FBXL17: variants seen among roughly 807,000 people sequenced by gnomAD.
FBXL17 encodes F-box/LRR-repeat protein 17.
Under a neutral mutation model 66.2 loss-of-function variants are expected in FBXL17, and 22 were observed. The observed-to-expected ratio is 0.33, with a 90% CI of 0.24 to 0.47. The LOEUF (loss-of-function observed/expected upper bound fraction) is 0.47, where lower values mean the gene tolerates loss of function less well. Ranked by LOEUF, FBXL17 falls within the 20% of genes least tolerant of loss-of-function variation. The pLI is 1.00. For synonymous variants in FBXL17, 474 were observed against 400.5 expected (o/e 1.18, Z -2.19); for missense variants, 878 against 948.2 (o/e 0.93, Z 0.97).
At chr5:108,082,380 T>C (rs1456091510) in intron 6 of FBXL17, among the ~76,000 whole-genome samples, 1 of 152,186 alleles carries the variant, frequency 6.6e-6, no homozygotes, top group Non-Finnish European at 1.5e-5. Context: ...CTCATAGCAT[T>C]GTTATAAAAA....
At chr5:108,378,591 A>G (rs888632523) in intron 1 of FBXL17, among the ~76,000 whole-genome samples, 1 of 152,066 alleles carries the variant, frequency 6.6e-6, no homozygotes, top group Non-Finnish European at 1.5e-5. Flanking sequence ...TTACCAGCAG[A>G]GCCAGAATCC....
intron 4 of FBXL17, among the ~76,000 whole-genome samples, chr5:108,284,546 G>A (rs1757824047): frequency 6.6e-6 from 1 of 151,738 alleles, no homozygotes; most frequent in Non-Finnish European, 1.5e-5. Flanking sequence ...GGAAGACTTG[G>A]AAAAGTGAGT....
chr5:108,202,995 T>G (rs73778685), intron 5 of FBXL17, among the ~76,000 whole-genome samples: 7,552 of 151,940 alleles, frequency 0.05, 627 homozygotes, highest in African/African-American at 0.17. Flanking sequence ...CAACAAAGAG[T>G]AAACAAACAT....
intron 7 of FBXL17, among the ~76,000 whole-genome samples, chr5:107,996,163 C>T (rs573384369): frequency 1.3e-5 from 2 of 152,282 alleles, no homozygotes; most frequent in Admixed American, 1.3e-4. Flanking sequence ...TTGTTTCATA[C>T]AATATCACTC....
chr5:108,381,112 C>T lies in FBXL17; in HGVS notation c.580G>A (p.Glu194Lys). Residue 194 changes from glutamate to lysine, a missense_variant, in exon 1 of 9, where the codon GAA (glutamate) becomes AAA (lysine). By Grantham distance (56) the Glu-to-Lys change is moderately conservative. Coordinates refer to ENST00000542267, the MANE Select transcript of FBXL17 (RefSeq NM_001163315.3). Reference protein sequence around the residue: ...PSPAELPTPPEMVCKRKGAGV... With the variant: ...PSPAELPTPPKMVCKRKGAGV... Reference sequence around the variant, plus strand: ...GCCCCCTTCCGCTTGCACACCATTTCGGGGGGCGTAGGGAGCTCGGCCGGT... The same window carrying T: ...GCCCCCTTCCGCTTGCACACCATTTTGGGGGGCGTAGGGAGCTCGGCCGGT... 1.5e-6 allele frequency: 2 copies of T among 1,310,350 alleles called. No homozygotes were observed. The highest frequency in any genetic ancestry group is 1.9e-6 in the Non-Finnish European group (2 of 1,031,230). The allele number at this position is 1,310,350 out of a possible 1,614,324, so 81.2% of individuals were successfully genotyped here.
rs895946272 is a variant in FBXL17 at position 107,861,058 on chromosome 5, T to C, written c.*662A>G. 2.6e-5 allele frequency: 4 copies of C among 152,224 alleles called. No homozygotes were observed. The highest frequency in any genetic ancestry group is 5.9e-5 in the Non-Finnish European group (4 of 68,046). 9.4% of individuals were successfully genotyped at this position (152,224 alleles called of 1,614,324 possible). A position where few individuals can be genotyped will look rare whatever the true frequency, so the allele number is the denominator to read the frequency against. On this transcript the variant is annotated 3_prime_UTR_variant, in exon 9 of 9. Coordinates refer to ENST00000542267, the MANE Select transcript of FBXL17 (RefSeq NM_001163315.3). ...GAGCTGGCCAGGAGAGTTCAGACTG[T>C]TGCCTCTATATAACAAATTTAGAAA...
chr5:108,141,748 A>G (rs987799700), intron 6 of FBXL17, among the ~76,000 whole-genome samples: 1 of 152,134 alleles, frequency 6.6e-6, no homozygotes, highest in African/African-American at 2.4e-5. Context: ...TCTAACACTC[A>G]TCCTCCTGTC....
At chr5:108,246,560 C>G (rs868400105) in intron 4 of FBXL17, among the ~76,000 whole-genome samples, 5 of 152,174 alleles carry the variant, frequency 3.3e-5, no homozygotes, top group African/African-American at 1.2e-4. Flanking sequence ...ATGGTTAAGA[C>G]TTGCATCCAG....
At chr5:108,103,454 T>C (rs1173438219) in intron 6 of FBXL17, among the ~76,000 whole-genome samples, 1 of 152,232 alleles carries the variant, frequency 6.6e-6, no homozygotes, top group Non-Finnish European at 1.5e-5. Context: ...AATAATCTTT[T>C]GGTCAGTGGA....
intron 6 of FBXL17, among the ~76,000 whole-genome samples, chr5:108,058,763 C>T (rs961478899): frequency 6.6e-6 from 1 of 152,336 alleles, no homozygotes; most frequent in East Asian, 1.9e-4. Flanking sequence ...GATATTCCTA[C>T]ACTTCTTCCT....
chr5:108,054,247 A>T (rs201951889), intron 6 of FBXL17, among the ~76,000 whole-genome samples: 42 of 50,532 alleles, frequency 8.3e-4, no homozygotes, highest in East Asian at 4.2e-3. Context: ...AATAAAAATT[A>T]AAAAAAAAAA....
intron 6 of FBXL17, among the ~76,000 whole-genome samples, chr5:108,022,251 G>A (rs767791823): frequency 1.3e-5 from 2 of 151,680 alleles, no homozygotes; most frequent in African/African-American, 4.8e-5. Context: ...GTCTAAAACA[G>A]GAAACTTAAA....
chr5:107,986,263 T>C (rs758781456), intron 7 of FBXL17, among the ~76,000 whole-genome samples: 1 of 151,940 alleles, frequency 6.6e-6, no homozygotes, highest in Non-Finnish European at 1.5e-5. Flanking sequence ...AAAGATACTA[T>C]AAGAAAACCT....
intron 7 of FBXL17, among the ~76,000 whole-genome samples, chr5:107,915,206 T>G (rs1750084938): frequency 6.6e-6 from 1 of 152,198 alleles, no homozygotes; most frequent in Non-Finnish European, 1.5e-5. Flanking sequence ...GTTTGAATTC[T>G]AAATGAAGAG....
chr5:108,148,319 T>C (rs1055738231), intron 6 of FBXL17, among the ~76,000 whole-genome samples: 5 of 152,210 alleles, frequency 3.3e-5, no homozygotes, highest in African/African-American at 1.2e-4. Flanking sequence ...AATCCTGATA[T>C]TCCACTGACA....
At chr5:108,130,099 T>C (rs1319568412) in intron 6 of FBXL17, among the ~76,000 whole-genome samples, 1 of 151,858 alleles carries the variant, frequency 6.6e-6, no homozygotes, top group African/African-American at 2.4e-5. Context: ...CTTTAAGACT[T>C]TGTCATACAC....
chr5:108,328,888 T>C (rs1447863635), intron 4 of FBXL17, among the ~76,000 whole-genome samples: 1 of 152,128 alleles, frequency 6.6e-6, no homozygotes, highest in Non-Finnish European at 1.5e-5. Context: ...CACTTTTACA[T>C]ATACCTGACT....
At chr5:108,201,747 G>A (rs1400657317) in intron 5 of FBXL17, among the ~76,000 whole-genome samples, 1 of 149,660 alleles carries the variant, frequency 6.7e-6, no homozygotes, top group Non-Finnish European at 1.5e-5. Context: ...CCCCTTCCAT[G>A]TTCAATATCA....
chr5:108,224,773 T>TG (rs1258269896), intron 4 of FBXL17, among the ~76,000 whole-genome samples: 6 of 151,870 alleles, frequency 4.0e-5, no homozygotes, highest in East Asian at 1.9e-4. Context: ...TTTGGTTTTT[T>TG]TTGTTGTTGT....
Sources: allele counts gnomAD v4.1 joint callset (sites outside exome capture counted in the v4.1 genomes callset), GRCh38; gene constraint gnomAD v4.1.1; transcripts MANE v1.5; gene names NCBI Gene and HGNC (gene_info 2026-07-23, HGNC 2026-07-21).